Variants in SYCE1L observed in about 807,000 individuals in gnomAD.
The protein encoded by SYCE1L is synaptonemal complex central element protein 1 like, also known as synaptonemal complex central element protein 1-like.
SYCE1L carries 51 observed loss-of-function variants against 39.6 expected under a neutral mutation model. The ratio of observed to expected loss-of-function variants is 1.29; its 90% CI spans 1.03 to 1.63. The LOEUF (loss-of-function observed/expected upper bound fraction) is 1.63, where lower values mean the gene tolerates loss of function less well. SYCE1L is among the 40% of genes most tolerant of loss of function. SYCE1L has a pLI of 0.00. For missense variants in SYCE1L, 426 were observed against 304.9 expected (o/e 1.40, Z -2.96); for synonymous variants, 147 against 122.4 (o/e 1.20, Z -1.33).
chr16:77,213,092 C>A lies in SYCE1L; in HGVS notation c.*161C>A. 1.5e-6 allele frequency: 1 copy of A among 649,162 alleles called. No homozygotes were observed. Among genetic ancestry groups the A allele is most frequent in the Non-Finnish European group, 2.3e-6 (1 of 438,074 alleles). 40.2% of individuals were successfully genotyped at this position (649,162 alleles called of 1,614,324 possible). A position where few individuals can be genotyped will look rare whatever the true frequency, so the allele number is the denominator to read the frequency against. ...GAGGCGGGGCCTCTGCCGGACCCCT[C>A]CCACCAGTCGAGCCCCGGGCGCCGT... On this transcript the variant is annotated 3_prime_UTR_variant, in exon 11 of 11. Transcript: ENST00000378644.
intron 2 of SYCE1L, 72 bp from the exon 3 acceptor site, chr16:77,208,138 G>A (rs9933799): frequency 0.53 from 745,073 of 1,407,168 alleles, 202,670 homozygotes; most frequent in Non-Finnish European, 0.57. Context: ...CAGACACAGT[G>A]CTTCTCCGTC....
intron 1 of SYCE1L, among the ~76,000 whole-genome samples, chr16:77,204,380 G>T (rs1467691439): frequency 6.6e-6 from 1 of 152,184 alleles, no homozygotes; most frequent in Non-Finnish European, 1.5e-5. Flanking sequence ...TAGTTAAGAT[G>T]AGGTCACACT....
intron 1 of SYCE1L, among the ~76,000 whole-genome samples, chr16:77,204,602 A>G (rs1384539185): frequency 2.0e-5 from 3 of 152,178 alleles, no homozygotes; most frequent in African/African-American, 7.2e-5. Flanking sequence ...AATATCATCA[A>G]TAGGATATTG....
chr16:77,208,980 TACCTC>T (rs1270253020), intron 4 of SYCE1L, 112 bp from the exon 5 acceptor site: 4 of 1,127,270 alleles, frequency 3.5e-6, no homozygotes, highest in Non-Finnish European at 5.2e-6. Context: ...GGCAAGAAGA[TACCTC>T]ACCTCTCCTA....
intron 4 of SYCE1L, 82 bp from the exon 5 acceptor site, chr16:77,209,015 G>T (rs1162512249): frequency 3.5e-6 from 5 of 1,448,272 alleles, no homozygotes; most frequent in African/African-American, 2.8e-5. Flanking sequence ...TACACCTTCT[G>T]TGTGGCTTTC....
intron 7 of SYCE1L, among the ~76,000 whole-genome samples, 168 bp from the exon 8 acceptor site, chr16:77,211,962 T>G (rs1338700601): frequency 2.0e-5 from 3 of 148,616 alleles, no homozygotes; most frequent in Non-Finnish European, 4.5e-5. Context: ...TAGGGGGAGG[T>G]GGGTGGGTCT....
chr16:77,211,645 G>C (rs1195651342), intron 7 of SYCE1L, among the ~76,000 whole-genome samples: 1 of 152,184 alleles, frequency 6.6e-6, no homozygotes, highest in Non-Finnish European at 1.5e-5. Context: ...ATTTGAGGCA[G>C]GGAGGGAGGG....
At chr16:77,210,753 A>G (rs1417793329) in intron 6 of SYCE1L, among the ~76,000 whole-genome samples, 1 of 152,196 alleles carries the variant, frequency 6.6e-6, no homozygotes, top group Non-Finnish European at 1.5e-5. Context: ...AATGTTCTCA[A>G]CAGAGGCCCA....
chr16:77,210,062 C>G (rs1051601565), intron 6 of SYCE1L, among the ~76,000 whole-genome samples: 1 of 152,188 alleles, frequency 6.6e-6, no homozygotes, highest in African/African-American at 2.4e-5. Context: ...CACTATTCCT[C>G]TACTCATCAT....
intron 1 of SYCE1L, chr16:77,202,159 A>G (rs368467296): frequency 1.3e-5 from 2 of 152,330 alleles, no homozygotes; most frequent in African/African-American, 4.8e-5. Context: ...TTCATATTGG[A>G]TCAGTATTAA....
At chr16:77,212,091 G>C in intron 7 of SYCE1L, 39 bp from the exon 8 acceptor site, 1 of 1,536,078 alleles carries the variant, frequency 6.5e-7, no homozygotes, top group Non-Finnish European at 8.8e-7. Context: ...GTAGCCAAGA[G>C]GACGGCCAAA....
intron 1 of SYCE1L, chr16:77,199,817 A>C (rs945260205): frequency 7.4e-6 from 2 of 269,094 alleles, no homozygotes; most frequent in Non-Finnish European, 1.4e-5. Context: ...TGTTCTCATA[A>C]CAATCACCGT....
rs1033466567 is a variant in SYCE1L, at chr16:77,212,758, C to T, written c.655-99C>T. ...TGGGGTCTGTGGGGAGCAGGGCGGC[C>T]CCGGGGACAGAGGAAGCCGCGGTGG... On this transcript the variant is annotated intron_variant, in intron 10 of 10. Coordinates refer to ENST00000378644, the MANE Select transcript of SYCE1L (RefSeq NM_001129979.3). 4 of 1,420,156 alleles carry T rather than the reference C, an allele frequency of 2.8e-6. No individual in the cohort carries two copies. The Admixed American group carries it at 1.1e-4, about 40-fold the overall frequency. The allele number at this position is 1,420,156 out of a possible 1,614,324, so 88.0% of individuals were successfully genotyped here.
At chr16:77,206,643 C>T in intron 2 of SYCE1L, 143 bp downstream of exon 2, 4 of 815,300 alleles carry the variant, frequency 4.9e-6, no homozygotes, top group African/African-American at 1.7e-5. Flanking sequence ...TTCTTTGAAC[C>T]AAGAATACAG....
Position 77,199,480 on chromosome 16 carries a change from T to G in SYCE1L, c.29T>G (p.Val10Gly). Residue 10 changes from valine to glycine, a missense_variant, in exon 1 of 11, where the codon GTG (valine) becomes GGG (glycine). Coordinates refer to ENST00000378644, the MANE Select transcript of SYCE1L (RefSeq NM_001129979.3). MAGKLKPLN[V>G]EAPEATEEAE... ...GCGGGGAAGCTGAAACCTCTGAATG[T>G]GGAGGCGCCAGAAGCTACTGAGGAG... is the stretch of plus-strand genomic sequence containing the variant. The G allele has an allele frequency of 6.4e-7, 1 of 1,551,410 alleles. No homozygotes were observed. The highest frequency in any genetic ancestry group is 8.7e-7 in the Non-Finnish European group (1 of 1,146,938).
chr16:77,206,318 C>T, intron 1 of SYCE1L, 123 bp from the exon 2 acceptor site: 1 of 771,064 alleles, frequency 1.3e-6, no homozygotes, highest in East Asian at 2.7e-5. Flanking sequence ...GGAAACCTGT[C>T]TGTCATTCCA....
rs377248394 is a variant in SYCE1L at position 77,204,599 on chromosome 16, T to C, written c.62-1842T>C. Among the ~76,000 whole-genome samples the C allele has an allele frequency of 1.1e-4, 16 of 152,098 alleles. No homozygotes were observed. The East Asian group carries it at 2.5e-3, about 24-fold the overall frequency. The stretch of plus-strand genomic sequence containing the variant: ...AATAAGGTAAACAGCTTAAATATCA[T>C]CAATAGGATATTGCTTTGAAATTAC... On this transcript the variant is annotated intron_variant, in intron 1 of 10. Transcript: ENST00000378644.
chr16:77,204,218 CTA>C (rs1291788641), intron 1 of SYCE1L, among the ~76,000 whole-genome samples: 3 of 152,142 alleles, frequency 2.0e-5, no homozygotes, highest in Admixed American at 6.6e-5. Flanking sequence ...AGGTAGTACT[CTA>C]TGTGTACCCA....
intron 1 of SYCE1L, chr16:77,200,061 G>A (rs2054715032): frequency 6.6e-6 from 1 of 151,986 alleles, no homozygotes; most frequent in East Asian, 1.9e-4. Context: ...GCCGGGCACG[G>A]AGGCTCACGC....
Sources: gnomAD v4.1 joint callset for allele counts (sites outside exome capture counted in the v4.1 genomes callset) on GRCh38, gnomAD v4.1.1 for gene constraint, MANE v1.5 for transcripts, NCBI Gene and HGNC (gene_info 2026-07-23, HGNC 2026-07-21) for gene names.